The following BTBD9 variants were observed in gnomAD, a reference collection of about 807,000 sequenced individuals.
BTBD9 encodes the protein BTB domain containing 9.
BTBD9 carries 49 observed loss-of-function variants against 64.3 expected under a neutral mutation model. The ratio of observed to expected loss-of-function variants is 0.76; its 90% CI spans 0.61 to 0.97. The LOEUF is 0.97. Ranked by LOEUF, BTBD9 falls within the 50% of genes least tolerant of loss-of-function variation. The pLI is 0.00. For synonymous variants in BTBD9, 260 were observed against 274.7 expected, an observed-to-expected ratio of 0.95 and a Z score of 0.53; for missense variants, 598 against 762.1, an observed-to-expected ratio of 0.78 and a Z score of 2.53.
Position 38,375,744 on chromosome 6 carries a change from C to A in BTBD9, c.1155-30651G>T, listed in dbSNP as rs1208559832. ...GTTGCGAAGGATAAACACACAAACA[C>A]TGCATACTGTGCAACATTAATTCTT... On this transcript the variant is annotated intron_variant, in intron 6 of 10. Coordinates refer to ENST00000481247, the MANE Select transcript of BTBD9 (RefSeq NM_001099272.2). 2.6e-5 allele frequency among the ~76,000 whole-genome samples: 4 copies of A among 152,200 alleles called. No homozygotes were observed. The South Asian group carries it at 8.3e-4, about 32-fold the overall frequency.
At chr6:38,361,844 G>C (rs910125241) in intron 6 of BTBD9, among the ~76,000 whole-genome samples, 3 of 127,064 alleles carry the variant, frequency 2.4e-5, no homozygotes, top group African/African-American at 9.2e-5. Context: ...CTGTCTCAAA[G>C]AAAAACAAAA....
intron 9 of BTBD9, among the ~76,000 whole-genome samples, chr6:38,247,145 AAAG>A (rs1369028669): frequency 1.1e-5 from 1 of 91,582 alleles, no homozygotes; most frequent in Non-Finnish European, 2.3e-5. Context: ...TAACAATGGC[AAAG>A]AAGATGTAAA....
At chr6:38,528,059 T>C (rs1773589298) in intron 6 of BTBD9, among the ~76,000 whole-genome samples, 1 of 152,100 alleles carries the variant, frequency 6.6e-6, no homozygotes, top group African/African-American at 2.4e-5. Context: ...CCCTTCCCCA[T>C]TCCCCAGTAG....
rs919914512 is a variant in BTBD9 at position 38,394,329 on chromosome 6, A to G, written c.1155-49236T>C. Among the ~76,000 whole-genome samples the G allele has an allele frequency of 2.0e-5, 3 of 152,134 alleles. No individual in the cohort carries two copies. The South Asian group carries it at 6.2e-4, about 32-fold the overall frequency. ...GATAGGGTGGGGGCTGTCCTGGTAA[A>G]AAGAATGCTTCTCACAGAAAGACAT... is the stretch of plus-strand genomic sequence containing the variant. On this transcript the variant is annotated intron_variant, in intron 6 of 10. Coordinates refer to ENST00000481247, the MANE Select transcript of BTBD9 (RefSeq NM_001099272.2).
At chr6:38,260,252 G>A (rs904216347) in intron 8 of BTBD9, among the ~76,000 whole-genome samples, 1 of 152,122 alleles carries the variant, frequency 6.6e-6, no homozygotes, top group South Asian at 2.1e-4. Context: ...AGTAAAACTA[G>A]GGGAAAACTT....
chr6:38,259,891 G>C (rs1764732022), intron 8 of BTBD9, among the ~76,000 whole-genome samples: 1 of 152,110 alleles, frequency 6.6e-6, no homozygotes, highest in African/African-American at 2.4e-5. Flanking sequence ...AATCAGAAAG[G>C]ATTCCACTCT....
At chr6:38,312,187 T>A (rs930371271) in intron 7 of BTBD9, among the ~76,000 whole-genome samples, 2 of 152,174 alleles carry the variant, frequency 1.3e-5, no homozygotes, top group African/African-American at 4.8e-5. Context: ...CGTATGCCTG[T>A]TTTCCATTTC....
intron 7 of BTBD9, among the ~76,000 whole-genome samples, chr6:38,321,474 G>A (rs1015475823): frequency 4.0e-4 from 61 of 152,258 alleles, no homozygotes; most frequent in African/African-American, 1.4e-3. Context: ...AGAGGAAGAG[G>A]GGGAGGGAAG....
chr6:38,584,675 A>G (rs1776434942), intron 4 of BTBD9, among the ~76,000 whole-genome samples: 1 of 152,112 alleles, frequency 6.6e-6, no homozygotes, highest in Admixed American at 6.5e-5. Flanking sequence ...CTACTTACCC[A>G]ATTCTGTCAC....
At chr6:38,479,724 T>C (rs1343154864) in intron 6 of BTBD9, among the ~76,000 whole-genome samples, 1 of 152,108 alleles carries the variant, frequency 6.6e-6, no homozygotes, top group African/African-American at 2.4e-5. Flanking sequence ...AAAATCTTTT[T>C]TTATTTTTAT....
At chr6:38,636,765 G>T (rs1778540649) in intron 1 of BTBD9, among the ~76,000 whole-genome samples, 1 of 152,134 alleles carries the variant, frequency 6.6e-6, no homozygotes, top group African/African-American at 2.4e-5. Flanking sequence ...TTTTTAGGAT[G>T]AAGTGGAAGA....
At chr6:38,248,952 C>T in intron 9 of BTBD9, among the ~76,000 whole-genome samples, 1 of 152,140 alleles carries the variant, frequency 6.6e-6, no homozygotes, top group East Asian at 1.9e-4. Context: ...TGACCCACAT[C>T]CAGCCATGTC....
At position 38,436,226 on chromosome 6, in the gene BTBD9, CA is replaced by C. The variant is rs1471794861; in HGVS notation, c.1155-91134del. Among the ~76,000 whole-genome samples, 10 of 151,864 alleles carry C rather than the reference CA, an allele frequency of 6.6e-5. No individual in the cohort carries two copies. In the East Asian group the frequency reaches 1.7e-3, roughly 26 times the overall value. On this transcript the variant is annotated intron_variant, in intron 6 of 10. Coordinates refer to ENST00000481247, the MANE Select transcript of BTBD9 (RefSeq NM_001099272.2). ...CATAAGCAGTAGAATGAGGAACACC[CA>C]AAAAGACACATTCCAATTTCCTGTC...
chr6:38,424,394 A>T (rs1165531532), intron 6 of BTBD9, among the ~76,000 whole-genome samples: 1 of 152,000 alleles, frequency 6.6e-6, no homozygotes, highest in Admixed American at 6.5e-5. Context: ...AACTGGCTCA[A>T]TGACAATGCT....
At chr6:38,206,723 A>G (rs1762668074) in intron 9 of BTBD9, among the ~76,000 whole-genome samples, 1 of 152,260 alleles carries the variant, frequency 6.6e-6, no homozygotes, top group Non-Finnish European at 1.5e-5. Context: ...GTGTACTTGC[A>G]AGGGCAGAGG....
chr6:38,189,243 G>A (rs1349566038), intron 10 of BTBD9, among the ~76,000 whole-genome samples: 2 of 152,096 alleles, frequency 1.3e-5, no homozygotes, highest in African/African-American at 4.8e-5. Context: ...TTGTCCATGC[G>A]GTCATATCCT....
chr6:38,491,034 C>T (rs1429166159), intron 6 of BTBD9, among the ~76,000 whole-genome samples: 2 of 152,102 alleles, frequency 1.3e-5, no homozygotes, highest in Admixed American at 1.3e-4. Flanking sequence ...AAAAGTGGTA[C>T]AAGTTTTGAT....
chr6:38,412,031 T>C (rs1334087813), intron 6 of BTBD9, among the ~76,000 whole-genome samples: 1 of 151,842 alleles, frequency 6.6e-6, no homozygotes, highest in African/African-American at 2.4e-5. Flanking sequence ...TTAAAATGGG[T>C]CAATTCCTCT....
At chr6:38,365,800 GGCCAAATGCTACCGATAAGTAACATTTCT>G (rs1168778250) in intron 6 of BTBD9, among the ~76,000 whole-genome samples, 2 of 150,000 alleles carry the variant, frequency 1.3e-5, no homozygotes, top group African/African-American at 2.4e-5. Flanking sequence ...AATCTCCCAA[GGCCAAATGCTACCGATAAGTAACATTTCT>G]GCATGGTCCA....
Sources: gnomAD v4.1 joint callset for allele counts (sites outside exome capture counted in the v4.1 genomes callset) on GRCh38, gnomAD v4.1.1 for gene constraint, MANE v1.5 for transcripts, NCBI Gene and HGNC (gene_info 2026-07-23, HGNC 2026-07-21) for gene names.